Variants in PITPNC1 observed in about 807,000 individuals in gnomAD.
The protein encoded by PITPNC1 is cytoplasmic phosphatidylinositol transfer protein 1.
PITPNC1 carries 18 observed loss-of-function variants against 44.7 expected under a neutral mutation model. That is an observed-to-expected ratio of 0.40 (90% CI 0.28 to 0.60). PITPNC1 has a LOEUF of 0.60. Among genes scored for constraint, PITPNC1 ranks in the 20% least tolerant of loss-of-function variants. PITPNC1 has a pLI of 0.39. For missense variants in PITPNC1, 290 were observed against 418.4 expected (o/e 0.69, Z 2.68); for synonymous variants, 141 against 149.6 (o/e 0.94, Z 0.42).
At chr17:67,452,554 C>T (rs2039197646) in intron 1 of PITPNC1, among the ~76,000 whole-genome samples, 1 of 147,518 alleles carries the variant, frequency 6.8e-6, no homozygotes, top group Non-Finnish European at 1.5e-5. Flanking sequence ...CACTCTGTCG[C>T]CAGGCTGGAG....
Position 67,382,328 on chromosome 17 carries a change from G to A in PITPNC1, c.48+4126G>A, listed in dbSNP as rs565561654. Among the ~76,000 whole-genome samples the A allele has an allele frequency of 6.3e-5, 9 of 143,974 alleles. No individual in the cohort carries two copies. In the South Asian group the frequency reaches 8.8e-4, roughly 14 times the overall value. 94.5% of individuals were successfully genotyped at this position (143,974 alleles called of 152,430 possible). The stretch of plus-strand genomic sequence containing the variant: ...CTACTGTCTAGATTAGAGTGTTGGT[G>A]GGGTTTTTTGGTGTGTGTGTGTGTG... On this transcript the variant is annotated intron_variant, in intron 1 of 8. Coordinates refer to ENST00000581322, the MANE Select transcript of PITPNC1 (RefSeq NM_012417.4).
At chr17:67,465,939 C>T (rs939097847) in intron 1 of PITPNC1, among the ~76,000 whole-genome samples, 5 of 151,220 alleles carry the variant, frequency 3.3e-5, no homozygotes, top group Non-Finnish European at 7.4e-5. Flanking sequence ...TCTTGGGAGT[C>T]CATGACTTGC....
chr17:67,491,906 A>G (rs763648322), intron 1 of PITPNC1, among the ~76,000 whole-genome samples: 1 of 151,982 alleles, frequency 6.6e-6, no homozygotes. Context: ...TTTTAGTAAG[A>G]TCAGAAATGA....
chr17:67,598,832 G>A (rs1015825091), intron 5 of PITPNC1, among the ~76,000 whole-genome samples: 5 of 151,476 alleles, frequency 3.3e-5, no homozygotes, highest in African/African-American at 1.2e-4. Context: ...GGTGGAGGTT[G>A]CAGTGAGCCG....
intron 1 of PITPNC1, among the ~76,000 whole-genome samples, chr17:67,453,886 A>C (rs939145129): frequency 2.6e-5 from 4 of 152,136 alleles, no homozygotes; most frequent in African/African-American, 9.7e-5. Context: ...CTGAGAATTC[A>C]CCAGAATGTA....
chr17:67,679,237 A>C (rs534594408), intron 8 of PITPNC1, among the ~76,000 whole-genome samples: 11 of 152,370 alleles, frequency 7.2e-5, no homozygotes, highest in African/African-American at 2.6e-4. Context: ...TGGGCGATAG[A>C]GCGAGCCTTT....
At chr17:67,688,896 T>G (rs1245256099) in intron 8 of PITPNC1, among the ~76,000 whole-genome samples, 1 of 152,204 alleles carries the variant, frequency 6.6e-6, no homozygotes, top group Non-Finnish European at 1.5e-5. Context: ...TTTACTGTGA[T>G]TATTACTTTA....
At chr17:67,516,681 A>G (rs1168173122) in intron 1 of PITPNC1, among the ~76,000 whole-genome samples, 1 of 152,110 alleles carries the variant, frequency 6.6e-6, no homozygotes, top group Non-Finnish European at 1.5e-5. Flanking sequence ...GCTGGAGTGC[A>G]GTAGCGCCAT....
intron 1 of PITPNC1, among the ~76,000 whole-genome samples, chr17:67,395,391 C>A (rs1043514348): frequency 6.6e-6 from 1 of 152,104 alleles, no homozygotes; most frequent in African/African-American, 2.4e-5. Context: ...TCAAGCAATC[C>A]TCCTGTCTTG....
In PITPNC1 at chr17:67,631,058, T is replaced by TATTATTATC. The variant is rs1181234060; in HGVS notation, c.367-1077_367-1076insCATTATTAT. Among the ~76,000 whole-genome samples, 20 of 126,770 alleles carry TATTATTATC rather than the reference T, an allele frequency of 1.6e-4. No individual in the cohort carries two copies. In the South Asian group the frequency reaches 4.6e-3, roughly 29 times the overall value. The allele number at this position is 126,770 out of a possible 152,430, so 83.2% of individuals were successfully genotyped here. ...GCGGCTGTGTTGTTGTTGTTGTTAT[T>TATTATTATC]ATTATTATTATTATTATTATTATTA... On this transcript the variant is annotated intron_variant, in intron 5 of 8. Coordinates refer to ENST00000581322, the MANE Select transcript of PITPNC1 (RefSeq NM_012417.4).
At chr17:67,685,602 A>T (rs1399244694) in intron 8 of PITPNC1, among the ~76,000 whole-genome samples, 2 of 152,218 alleles carry the variant, frequency 1.3e-5, no homozygotes, top group Admixed American at 6.5e-5. Flanking sequence ...CAGAGGAAGC[A>T]CTTTGTTCGG....
chr17:67,426,675 C>T (rs1313839001), intron 1 of PITPNC1, among the ~76,000 whole-genome samples: 1 of 152,100 alleles, frequency 6.6e-6, no homozygotes, highest in Non-Finnish European at 1.5e-5. Flanking sequence ...CCATGGCACA[C>T]ATATACCTAT....
intron 5 of PITPNC1, among the ~76,000 whole-genome samples, chr17:67,592,124 G>A (rs1395059237): frequency 6.6e-6 from 1 of 152,034 alleles, no homozygotes; most frequent in Non-Finnish European, 1.5e-5. Context: ...GAAAACCTAA[G>A]AGAATTTACA....
chr17:67,455,543 C>T (rs1437659676), intron 1 of PITPNC1, among the ~76,000 whole-genome samples: 2 of 152,134 alleles, frequency 1.3e-5, no homozygotes, highest in East Asian at 1.9e-4. Context: ...GCCTCAGCGC[C>T]AGAGTAGCTG....
intron 1 of PITPNC1, among the ~76,000 whole-genome samples, chr17:67,440,705 T>C (rs960495800): frequency 6.6e-6 from 1 of 151,314 alleles, no homozygotes; most frequent in Non-Finnish European, 1.5e-5. Flanking sequence ...GCTGATTTTT[T>C]TTTTGAAAAA....
chr17:67,467,834 G>A (rs1015565558), intron 1 of PITPNC1, among the ~76,000 whole-genome samples: 1 of 152,208 alleles, frequency 6.6e-6, no homozygotes, highest in Non-Finnish European at 1.5e-5. Context: ...ATGATTAAAT[G>A]TCAGTAAACA....
intron 6 of PITPNC1, among the ~76,000 whole-genome samples, chr17:67,650,931 G>A (rs187685867): frequency 6.6e-6 from 1 of 152,292 alleles, no homozygotes; most frequent in Admixed American, 6.5e-5. Flanking sequence ...CACATCAGAT[G>A]CACCTTATGA....
intron 2 of PITPNC1, among the ~76,000 whole-genome samples, chr17:67,533,460 T>C (rs1340864774): frequency 6.6e-6 from 1 of 151,496 alleles, no homozygotes; most frequent in Non-Finnish European, 1.5e-5. Context: ...CAGTGAGCCA[T>C]GATCATGCCA....
At chr17:67,587,485 C>G (rs1406610470) in intron 5 of PITPNC1, among the ~76,000 whole-genome samples, 5 of 146,326 alleles carry the variant, frequency 3.4e-5, no homozygotes, top group Admixed American at 3.3e-4. Context: ...CAGAGCGAGA[C>G]TCTGTCTCAA....
Sources: allele counts gnomAD v4.1 joint callset (sites outside exome capture counted in the v4.1 genomes callset), GRCh38; gene constraint gnomAD v4.1.1; transcripts MANE v1.5; gene names NCBI Gene and HGNC (gene_info 2026-07-23, HGNC 2026-07-21).